The following WWP2 variants were observed in gnomAD, a reference collection of about 807,000 sequenced individuals.
WWP2 encodes WW domain containing E3 ubiquitin protein ligase 2.
Under a neutral mutation model 121.0 loss-of-function variants are expected in WWP2, and 57 were observed. That is an observed-to-expected ratio of 0.47 (90% CI 0.38 to 0.59). The LOEUF is 0.59. Among genes scored for constraint, WWP2 ranks in the 20% least tolerant of loss-of-function variants. WWP2 has a pLI of 0.00. For synonymous variants in WWP2, 449 were observed against 441.3 expected, an observed-to-expected ratio of 1.02 and a Z score of -0.22; for missense variants, 962 against 1,158.9, an observed-to-expected ratio of 0.83 and a Z score of 2.47.
intron 4 of WWP2, among the ~76,000 whole-genome samples, chr16:69,838,142 A>G (rs1474659748): frequency 6.6e-6 from 1 of 152,204 alleles, no homozygotes; most frequent in Non-Finnish European, 1.5e-5. Context: ...CTTCCTAAAC[A>G]CAGGAAGTCA....
intron 16 of WWP2, among the ~76,000 whole-genome samples, chr16:69,932,810 A>C (rs532933031): frequency 6.6e-5 from 10 of 152,206 alleles, no homozygotes; most frequent in Non-Finnish European, 1.5e-4. Flanking sequence ...AAAAGTTAAC[A>C]GGCCCTCTGG....
chr16:69,940,108 G>A lies in WWP2; in HGVS notation c.*168G>A. ...GAAAAGCCTGATCCCAGGAGGCCCT[G>A]CAGTTCCCCCGACCCGCGGATGGCA... On this transcript the variant is annotated 3_prime_UTR_variant, in exon 24 of 24. Transcript: ENST00000359154. The A allele has an allele frequency of 4.9e-6, 3 of 618,156 alleles. No homozygotes were observed. Among genetic ancestry groups the A allele is most frequent in the South Asian group, 2.0e-5 (1 of 48,796 alleles). 38.3% of individuals were successfully genotyped at this position (618,156 alleles called of 1,614,324 possible).
At position 69,925,353 on chromosome 16, in the gene WWP2, A is replaced by G; in HGVS notation, c.1180-77A>G. 1 of 1,583,776 alleles carries G rather than the reference A, an allele frequency of 6.3e-7. No homozygotes were observed. The highest frequency in any genetic ancestry group is 8.6e-7 in the Non-Finnish European group (1 of 1,161,996). ...GTGGAAGCCAGTCATTGGCATTTTTATTTTTTATTGATTGATTGATTTTTT... is the reference window on the plus strand; with the variant it reads ...GTGGAAGCCAGTCATTGGCATTTTTGTTTTTTATTGATTGATTGATTTTTT... On this transcript the variant is annotated intron_variant, in intron 10 of 23. Coordinates refer to ENST00000359154, the MANE Select transcript of WWP2 (RefSeq NM_001270454.2). This position sits in a 1 kb window ranked among gnomAD's most constrained non-coding sequence, Gnocchi z 4.0.
At position 69,832,977 on chromosome 16, in the gene WWP2, C is replaced by T. The variant is rs139347335; in HGVS notation, c.341-7149C>T. Among the ~76,000 whole-genome samples the T allele has an allele frequency of 4.4e-3, 671 of 152,308 alleles. 5 individuals carry two copies. Among genetic ancestry groups the T allele is most frequent in the African/African-American group, 0.015 (631 of 41,578 alleles). ...TCAAGTGATTCTCCTGCCTAGCCTC[C>T]CATGAAGGTGGGACCGCAGGTGCAC... is the stretch of plus-strand genomic sequence containing the variant. On this transcript the variant is annotated intron_variant, in intron 4 of 23. Transcript: ENST00000359154.
chr16:69,844,140 T>C (rs901955171), intron 6 of WWP2, among the ~76,000 whole-genome samples: 1 of 152,084 alleles, frequency 6.6e-6, no homozygotes, highest in Non-Finnish European at 1.5e-5. Flanking sequence ...CAAGTCACTG[T>C]AAAGGCGTTG....
At chr16:69,907,587 T>A (rs189288630) in intron 8 of WWP2, among the ~76,000 whole-genome samples, 1 of 152,334 alleles carries the variant, frequency 6.6e-6, no homozygotes, top group African/African-American at 2.4e-5. Context: ...CCTTTATATA[T>A]AGGTTACTAT....
intron 1 of WWP2, among the ~76,000 whole-genome samples, chr16:69,771,127 G>GGTCT (rs2055405535): frequency 6.6e-6 from 1 of 152,144 alleles, no homozygotes; most frequent in East Asian, 1.9e-4. Flanking sequence ...AAGATTGACA[G>GGTCT]GTCTGAAAGG....
intron 6 of WWP2, among the ~76,000 whole-genome samples, chr16:69,861,891 A>G (rs974575244): frequency 6.6e-6 from 1 of 151,928 alleles, no homozygotes. Flanking sequence ...AAAGACAATG[A>G]CCAGTTAAGA....
At chr16:69,933,371 T>C (rs1008786555) in intron 16 of WWP2, among the ~76,000 whole-genome samples, 1 of 152,006 alleles carries the variant, frequency 6.6e-6, no homozygotes, top group African/African-American at 2.4e-5. Context: ...GGGGATGGTG[T>C]TGGGGTCTGG....
chr16:69,818,521 A>T (rs1255213185), intron 4 of WWP2, among the ~76,000 whole-genome samples: 2 of 152,074 alleles, frequency 1.3e-5, no homozygotes, highest in Non-Finnish European at 2.9e-5. Flanking sequence ...TTTCTTCTTG[A>T]GGAACCTCCA....
chr16:69,922,331 A>C (rs1404339815), intron 10 of WWP2, among the ~76,000 whole-genome samples: 1 of 151,564 alleles, frequency 6.6e-6, no homozygotes, highest in Admixed American at 6.6e-5. Context: ...TGTATTTGCT[A>C]GACATTCTTT....
At chr16:69,827,805 G>A in intron 4 of WWP2, 1 of 443,594 alleles carries the variant, frequency 2.3e-6, no homozygotes, top group Non-Finnish European at 4.5e-6. Flanking sequence ...CGGAGATGAG[G>A]AGCACTAATG....
chr16:69,883,167 A>G (rs1013845206), intron 7 of WWP2, among the ~76,000 whole-genome samples: 1 of 151,292 alleles, frequency 6.6e-6, no homozygotes, highest in Admixed American at 6.6e-5. Context: ...AAAAAAAAAA[A>G]TTAATACAGC....
intron 9 of WWP2, among the ~76,000 whole-genome samples, chr16:69,917,023 CTG>C (rs2058488538): frequency 6.6e-6 from 1 of 152,168 alleles, no homozygotes; most frequent in African/African-American, 2.4e-5. Context: ...CAGTGAGACT[CTG>C]TCTCAAAACA....
At chr16:69,938,094 G>A (rs9673566) in intron 21 of WWP2, among the ~76,000 whole-genome samples, 151,475 of 152,396 alleles carry the variant, frequency 0.99, 75,286 homozygotes, top group Middle Eastern at 1. Context: ...GCGATTACAG[G>A]TATTCTTAGT....
chr16:69,884,316 C>A (rs2057885852), intron 7 of WWP2, among the ~76,000 whole-genome samples: 1 of 152,116 alleles, frequency 6.6e-6, no homozygotes, highest in Non-Finnish European at 1.5e-5. Context: ...AGGATGGGGA[C>A]AATTTTAGGA....
chr16:69,771,481 A>G (rs958504237), intron 1 of WWP2, among the ~76,000 whole-genome samples: 1 of 152,116 alleles, frequency 6.6e-6, no homozygotes, highest in African/African-American at 2.4e-5. Flanking sequence ...TCCTGACCTC[A>G]AGTGATCCAC....
chr16:69,854,055 A>G lies in WWP2; in HGVS notation c.575+11935A>G, dbSNP rs1858852423. On this transcript the variant is annotated intron_variant, in intron 6 of 23. Coordinates refer to ENST00000359154, the MANE Select transcript of WWP2 (RefSeq NM_001270454.2). ...CATCGTATTCCTGACAGTGAACCAC[A>G]GGGCCACAATAAGGGCACAATTCAG... Among the ~76,000 whole-genome samples the G allele has an allele frequency of 3.3e-5, 5 of 152,262 alleles. No homozygotes were observed. In the South Asian group the frequency reaches 1.0e-3, roughly 31 times the overall value.
At chr16:69,796,017 T>A (rs72783183) in intron 2 of WWP2, among the ~76,000 whole-genome samples, 1 of 151,164 alleles carries the variant, frequency 6.6e-6, no homozygotes, top group Admixed American at 6.6e-5. Context: ...TTTTTTTTTC[T>A]TTCTTTTTTT....
Sources: gnomAD v4.1 joint callset for allele counts (sites outside exome capture counted in the v4.1 genomes callset) on GRCh38, gnomAD v4.1.1 for gene constraint, Gnocchi (gnomAD v3.1) non-coding constraint, MANE v1.5 for transcripts, NCBI Gene and HGNC (gene_info 2026-07-23, HGNC 2026-07-21) for gene names.